The following PHACTR3 variants were observed in gnomAD, a reference collection of about 807,000 sequenced individuals.
PHACTR3 encodes the protein protein phosphatase 1, regulatory subunit 123.
In PHACTR3, 16 loss-of-function variants were observed where a neutral mutation model predicts 66.8. The ratio of observed to expected loss-of-function variants is 0.24; its 90% CI spans 0.16 to 0.36. The LOEUF is 0.36. Among genes scored for constraint, PHACTR3 ranks in the 10% least tolerant of loss-of-function variants. The pLI is 1.00. For synonymous variants in PHACTR3, 323 were observed against 292.1 expected (o/e 1.11, Z -1.08); for missense variants, 647 against 719.9 (o/e 0.90, Z 1.16).
intron 8 of PHACTR3, among the ~76,000 whole-genome samples, chr20:59,819,933 C>T (rs1418672800): frequency 6.6e-6 from 1 of 152,236 alleles, no homozygotes; most frequent in Non-Finnish European, 1.5e-5. Context: ...TCCGAGATCC[C>T]AAGAACAGAA....
rs772879716 is a variant in PHACTR3 at position 59,755,215 on chromosome 20, G to A, written c.392G>A (p.Gly131Glu). The A allele has an allele frequency of 6.2e-7, 1 of 1,613,442 alleles. No individual in the cohort carries two copies. Among genetic ancestry groups the A allele is most frequent in the South Asian group, 1.1e-5 (1 of 91,014 alleles). ...AGCAAAACTTGCAACCCCGATGGAG[G>A]ACCCCGATCTGTACAGAGTGAACCA... ...AESKTCNPDG[G>E]PRSVQSEPPT... is the part of the protein sequence containing the mutation. The change falls in exon 4 of 13, where the codon GGA becomes GAA. Residue 131 changes from glycine to glutamate, a missense_variant. By Grantham distance (98) the Gly-to-Glu change is moderately conservative. Transcript: ENST00000371015.
intron 8 of PHACTR3, among the ~76,000 whole-genome samples, chr20:59,831,978 G>A (rs905013660): frequency 1.3e-5 from 2 of 152,190 alleles, no homozygotes; most frequent in Non-Finnish European, 2.9e-5. Flanking sequence ...GTGTGTCAGG[G>A]CAGGGGTCAG....
At chr20:59,737,484 ATGTGCG>A (rs1306742700) in intron 1 of PHACTR3, among the ~76,000 whole-genome samples, 1 of 151,242 alleles carries the variant, frequency 6.6e-6, no homozygotes, top group African/African-American at 2.4e-5. Context: ...GTGTGCGTGC[ATGTGCG>A]TGTGTGTGTG....
chr20:59,737,162 C>A (rs1396666005), intron 1 of PHACTR3, among the ~76,000 whole-genome samples: 1 of 152,174 alleles, frequency 6.6e-6, no homozygotes, highest in Admixed American at 6.5e-5. Flanking sequence ...ACAGCCTGCC[C>A]CTTTCCCATC....
chr20:59,615,434 G>T (rs1464431975), intron 1 of PHACTR3, among the ~76,000 whole-genome samples: 1 of 152,218 alleles, frequency 6.6e-6, no homozygotes, highest in East Asian at 1.9e-4. Flanking sequence ...GAAGCTCATG[G>T]TCTGGCTAGG....
At chr20:59,770,657 T>C (rs933934197) in intron 5 of PHACTR3, among the ~76,000 whole-genome samples, 11 of 152,314 alleles carry the variant, frequency 7.2e-5, no homozygotes, top group African/African-American at 2.6e-4. Context: ...TCTTGAAAAG[T>C]CTTCATCTCT....
intron 2 of PHACTR3, 70 bp downstream of exon 2, chr20:59,743,338 C>T: frequency 6.4e-7 from 1 of 1,567,760 alleles, no homozygotes; most frequent in Non-Finnish European, 8.7e-7. Flanking sequence ...TGCTGCGGCC[C>T]CTGCTGATCT....
At chr20:59,685,023 C>G (rs2146554841) in intron 1 of PHACTR3, among the ~76,000 whole-genome samples, 1 of 152,328 alleles carries the variant, frequency 6.6e-6, no homozygotes, top group East Asian at 1.9e-4. Flanking sequence ...GTCCTCCCCA[C>G]TCTTCCTGAG....
chr20:59,690,687 G>A (rs903443715), intron 1 of PHACTR3, among the ~76,000 whole-genome samples: 2 of 152,142 alleles, frequency 1.3e-5, no homozygotes, highest in African/African-American at 2.4e-5. Flanking sequence ...CTCACTGGCT[G>A]GATGAAGCAT....
rs554263949 is a variant in PHACTR3 at position 59,706,920 on chromosome 20, C to T, written c.119-36187C>T. 7.9e-5 allele frequency among the ~76,000 whole-genome samples: 12 copies of T among 152,344 alleles called. No homozygotes were observed. In the South Asian group the frequency reaches 2.5e-3, roughly 32 times the overall value. On this transcript the variant is annotated intron_variant, in intron 1 of 12. Transcript: ENST00000371015. The stretch of plus-strand genomic sequence containing the variant: ...ACACCCTCTACCTCTCAAGTCCTCA[C>T]ATCATCTGTGGACCTTATCCTCAGT...
chr20:59,649,283 A>T (rs1256457550), intron 1 of PHACTR3, among the ~76,000 whole-genome samples: 2 of 152,210 alleles, frequency 1.3e-5, no homozygotes, highest in Non-Finnish European at 2.9e-5. Flanking sequence ...TTAATTCTTG[A>T]TGCTTATGGA....
rs1209179637 is a variant in PHACTR3, at chr20:59,738,066, A to AG, written c.119-5036dup. On this transcript the variant is annotated intron_variant, in intron 1 of 12. Coordinates refer to ENST00000371015, the MANE Select transcript of PHACTR3 (RefSeq NM_080672.5). The surrounding 1 kb of genome is among the most constrained non-coding windows in gnomAD (Gnocchi z 4.4). The stretch of plus-strand genomic sequence containing the variant: ...GGTCCTGGCAGTGATGGTGGTAGGG[A>AG]GGGGGAGGCGCCACTGCCCCTCCTG... Among the ~76,000 whole-genome samples the AG allele has an allele frequency of 6.6e-6, 1 of 151,958 alleles. No individual in the cohort carries two copies. The highest frequency in any genetic ancestry group is 1.5e-5 in the Non-Finnish European group (1 of 67,974).
chr20:59,841,446 C>T lies in PHACTR3; in HGVS notation c.1498C>T (p.Arg500Ter), dbSNP rs2059059092. The change falls in exon 11 of 13, where the codon CGA (arginine) becomes TGA (stop). Residue 500 changes from arginine to a stop codon, truncating the protein, a stop_gained. Coordinates refer to ENST00000371015, the MANE Select transcript of PHACTR3 (RefSeq NM_080672.5). LOFTEE classifies it high-confidence loss of function. The part of the protein sequence containing the change: ...DELRDRKILI[R>*]FSDYVEVAKA... ...ATTAAGAGACAGAAAAATTCTGATA[C>T]GATTCAGTGATTACGTGGAAGTAGC... 4 of 1,613,244 alleles carry T rather than the reference C, an allele frequency of 2.5e-6. No homozygotes were observed. Among genetic ancestry groups the T allele is most frequent in the Admixed American group, 1.7e-5 (1 of 59,916 alleles).
At chr20:59,613,924 A>C (rs2033940960) in intron 1 of PHACTR3, among the ~76,000 whole-genome samples, 2 of 152,248 alleles carry the variant, frequency 1.3e-5, no homozygotes, top group African/African-American at 2.4e-5. Flanking sequence ...TCATCTGGTC[A>C]GCGATCAACG....
chr20:59,660,913 G>A (rs570661611), intron 1 of PHACTR3, among the ~76,000 whole-genome samples: 1 of 152,346 alleles, frequency 6.6e-6, no homozygotes, highest in South Asian at 2.1e-4. Context: ...TGCTTCATCT[G>A]TGGGAAACAC....
intron 1 of PHACTR3, among the ~76,000 whole-genome samples, chr20:59,719,177 T>C (rs1286304444): frequency 6.6e-6 from 1 of 152,212 alleles, no homozygotes; most frequent in Non-Finnish European, 1.5e-5. Context: ...GCTTTTTCTT[T>C]TTTTTTGAAA....
chr20:59,704,304 A>C (rs937832536), intron 1 of PHACTR3, among the ~76,000 whole-genome samples: 1 of 152,070 alleles, frequency 6.6e-6, no homozygotes, highest in Non-Finnish European at 1.5e-5. Context: ...GTATGTTTTC[A>C]TGTTCAGAAG....
intron 1 of PHACTR3, among the ~76,000 whole-genome samples, chr20:59,712,934 C>A (rs2037958494): frequency 6.6e-6 from 1 of 152,124 alleles, no homozygotes; most frequent in African/African-American, 2.4e-5. Context: ...GATTTCAAAC[C>A]AAAAACATTA....
intron 1 of PHACTR3, among the ~76,000 whole-genome samples, chr20:59,723,325 T>C (rs1321125452): frequency 1.3e-5 from 2 of 152,026 alleles, no homozygotes; most frequent in East Asian, 3.9e-4. Context: ...ACCGTGAATC[T>C]ACTTTCTGTC....
Sources: gnomAD v4.1 joint callset for allele counts (sites outside exome capture counted in the v4.1 genomes callset) on GRCh38, gnomAD v4.1.1 for gene constraint, Gnocchi (gnomAD v3.1) non-coding constraint, MANE v1.5 for transcripts, NCBI Gene and HGNC (gene_info 2026-07-23, HGNC 2026-07-21) for gene names.